The following SS18L1 variants were observed in gnomAD, a reference collection of about 807,000 sequenced individuals.
SS18L1 encodes SS18L1 subunit of BAF chromatin remodeling complex.
In SS18L1, 32 loss-of-function variants were observed where a neutral mutation model predicts 70.3. The observed-to-expected ratio is 0.46, with a 90% CI of 0.34 to 0.61. The LOEUF (loss-of-function observed/expected upper bound fraction) is 0.61, where lower values mean the gene tolerates loss of function less well. SS18L1 is among the 20% of genes least tolerant of loss of function. SS18L1 has a pLI of 0.01. For synonymous variants in SS18L1, 237 were observed against 229.7 expected (o/e 1.03, Z -0.29); for missense variants, 430 against 542.1 (o/e 0.79, Z 2.05).
intron 8 of SS18L1, among the ~76,000 whole-genome samples, chr20:62,171,332 A>G (rs576563452): frequency 1.3e-5 from 2 of 152,316 alleles, no homozygotes; most frequent in South Asian, 4.1e-4. Context: ...TCATGGGGGC[A>G]GGAGAAAGGA....
At chr20:62,144,168 CG>C (rs1436032542) in intron 1 of SS18L1, among the ~76,000 whole-genome samples, 1 of 151,194 alleles carries the variant, frequency 6.6e-6, no homozygotes, top group Non-Finnish European at 1.5e-5. Context: ...GGGGGCCGGG[CG>C]GACGCTGGAG....
Position 62,165,416 on chromosome 20 carries a change from G to T in SS18L1, c.824-6G>T, listed in dbSNP as rs536040579. The T allele has an allele frequency of 9.3e-6, 15 of 1,606,494 alleles. No individual in the cohort carries two copies. The highest frequency in any genetic ancestry group is 1.4e-5 in the African/African-American group (1 of 71,734). Reference sequence around the variant, plus strand: ...CGCTGACTGTCGCCGTCTCCGTTTCGCACAGGCCATGGCGATTACGCCTAC... The same window carrying T: ...CGCTGACTGTCGCCGTCTCCGTTTCTCACAGGCCATGGCGATTACGCCTAC... On this transcript the variant is annotated splice_region_variant and splice_polypyrimidine_tract_variant and intron_variant, in intron 7 of 10. Coordinates refer to ENST00000331758, the MANE Select transcript of SS18L1 (RefSeq NM_198935.3).
rs1254979262 is a variant in SS18L1, at chr20:62,181,737, A to T, written c.*2529A>T. ...TTTATGTAATATTATGGGGAAAGTG[A>T]TGCCAGCAGTTCCTTTTCATTATTC... On this transcript the variant is annotated 3_prime_UTR_variant, in exon 11 of 11. Transcript: ENST00000331758. The T allele has an allele frequency of 1.3e-5, 3 of 224,118 alleles. No homozygotes were observed. The highest frequency in any genetic ancestry group is 2.7e-5 in the Non-Finnish European group (3 of 112,302). The allele number at this position is 224,118 out of a possible 1,614,324, so 13.9% of individuals were successfully genotyped here. A position where few individuals can be genotyped will look rare whatever the true frequency, so the allele number is the denominator to read the frequency against.
intron 1 of SS18L1, 131 bp downstream of exon 1, chr20:62,144,020 G>A: frequency 4.1e-6 from 2 of 488,270 alleles, no homozygotes; most frequent in Non-Finnish European, 5.3e-6. Flanking sequence ...CGCGAGCCCC[G>A]ACGGCGGCCC....
intron 1 of SS18L1, among the ~76,000 whole-genome samples, chr20:62,150,485 G>C (rs1218439808): frequency 6.6e-6 from 1 of 152,252 alleles, no homozygotes; most frequent in East Asian, 1.9e-4. Context: ...TTCTGCGTCT[G>C]TGTCCACGCC....
Position 62,143,789 on chromosome 20 carries a change from G to T in SS18L1, c.-32G>T. 2 of 1,317,324 alleles carry T rather than the reference G, an allele frequency of 1.5e-6. No homozygotes were observed. Among genetic ancestry groups the T allele is most frequent in the Non-Finnish European group, 2.0e-6 (2 of 1,001,526 alleles). The allele number at this position is 1,317,324 out of a possible 1,614,324, so 81.6% of individuals were successfully genotyped here. On this transcript the variant is annotated 5_prime_UTR_variant, in exon 1 of 11. Coordinates refer to ENST00000331758, the MANE Select transcript of SS18L1 (RefSeq NM_198935.3). Reference sequence around the variant, plus strand: ...CCAGCGCAGCCGGAGTATCCACCTCGATGACCACGGGCTGAGCCCCGCGCC... The same window carrying T: ...CCAGCGCAGCCGGAGTATCCACCTCTATGACCACGGGCTGAGCCCCGCGCC...
rs1314976621 is a variant in SS18L1, at chr20:62,161,973, C to G, written c.376+393C>G. On this transcript the variant is annotated intron_variant, in intron 4 of 10. Transcript: ENST00000331758. This position sits in a 1 kb window ranked among gnomAD's most constrained non-coding sequence, Gnocchi z 4.4. ...TGGTGGCTCAGATCTCTAATCCCAA[C>G]CCTTTGTGAGGCCTAAACCAGCAGA... Among the ~76,000 whole-genome samples, 2 of 152,218 alleles carry G rather than the reference C, an allele frequency of 1.3e-5. No individual in the cohort carries two copies. Among genetic ancestry groups the G allele is most frequent in the Non-Finnish European group, 2.9e-5 (2 of 68,042 alleles).
chr20:62,144,024 G>A, intron 1 of SS18L1, 135 bp downstream of exon 1: 3 of 432,104 alleles, frequency 6.9e-6, no homozygotes, highest in Non-Finnish European at 9.2e-6. Flanking sequence ...AGCCCCGACG[G>A]CGGCCCCGTG....
At chr20:62,155,398 G>A (rs2057204759) in intron 1 of SS18L1, among the ~76,000 whole-genome samples, 4 of 152,216 alleles carry the variant, frequency 2.6e-5, no homozygotes. Flanking sequence ...GGGTGACAGA[G>A]CGAGACCCTG....
At chr20:62,157,101 G>GGTGGACA (rs1568744089) in intron 1 of SS18L1, among the ~76,000 whole-genome samples, 2 of 152,100 alleles carry the variant, frequency 1.3e-5, no homozygotes, top group African/African-American at 2.4e-5. Context: ...GCTGCCCCCA[G>GGTGGACA]GTGGACACCT....
chr20:62,179,730 G>GGGGGGGGGGGGGGGGGGCCCCCC lies in SS18L1; in HGVS notation c.*522_*523insGGGGGGGGGGGGGGGGGCCCCCC. 1 of 96,712 alleles carries GGGGGGGGGGGGGGGGGGCCCCCC rather than the reference G, an allele frequency of 1.0e-5. No homozygotes were observed. The highest frequency in any genetic ancestry group is 4.0e-5 in the African/African-American group (1 of 25,044). 6.0% of individuals were successfully genotyped at this position (96,712 alleles called of 1,614,324 possible). On this transcript the variant is annotated 3_prime_UTR_variant, in exon 11 of 11. Coordinates refer to ENST00000331758, the MANE Select transcript of SS18L1 (RefSeq NM_198935.3). The stretch of plus-strand genomic sequence containing the variant: ...GTGCCTCGATGGGGTGGGTGGGAGG[G>GGGGGGGGGGGGGGGGGGCCCCCC]CATCTTCTGTGCGTTGGGTCAGTTT...
chr20:62,176,852 G>C (rs904076628), intron 10 of SS18L1, among the ~76,000 whole-genome samples: 1 of 152,162 alleles, frequency 6.6e-6, no homozygotes, highest in Non-Finnish European at 1.5e-5. Flanking sequence ...TTTCACATCT[G>C]GGGGGAAATG....
At chr20:62,179,102 CCT>C (rs2057670165) in intron 10 of SS18L1, 78 bp from the exon 11 acceptor site, 45 of 1,519,202 alleles carry the variant, frequency 3.0e-5, no homozygotes, top group South Asian at 2.9e-4. Context: ...CCTCCTACCC[CCT>C]GTCCGGGCTG....
chr20:62,169,766 C>A (rs770656328), intron 8 of SS18L1, among the ~76,000 whole-genome samples: 2 of 150,534 alleles, frequency 1.3e-5, no homozygotes, highest in African/African-American at 4.9e-5. Flanking sequence ...GGCGGCAAAG[C>A]GAGACTCCAT....
At chr20:62,145,076 C>G (rs2056999635) in intron 1 of SS18L1, among the ~76,000 whole-genome samples, 1 of 152,326 alleles carries the variant, frequency 6.6e-6, no homozygotes, top group East Asian at 1.9e-4. Context: ...CAAATGAGAA[C>G]CTTGGCCAAC....
At chr20:62,144,707 G>A (rs1052858434) in intron 1 of SS18L1, among the ~76,000 whole-genome samples, 10 of 152,248 alleles carry the variant, frequency 6.6e-5, no homozygotes, top group African/African-American at 2.4e-4. Context: ...GTTATCCAAA[G>A]CCCTAAGTTT....
Position 62,158,668 on chromosome 20 carries a change from G to T in SS18L1, c.70-4G>T. 6.2e-7 allele frequency: 1 copy of T among 1,612,238 alleles called. No homozygotes were observed. On this transcript the variant is annotated splice_polypyrimidine_tract_variant and splice_region_variant and intron_variant, in intron 1 of 10. Transcript: ENST00000331758. The surrounding 1 kb of genome is among the most constrained non-coding windows in gnomAD (Gnocchi z 4.5). ...GGCAGCGCCCGCTCACGCTCTCTCCGCAGATGCTGGACGAGAACCACCACC... is the reference window on the plus strand; with the variant it reads ...GGCAGCGCCCGCTCACGCTCTCTCCTCAGATGCTGGACGAGAACCACCACC...
chr20:62,154,366 C>G (rs2057185457), intron 1 of SS18L1: 1 of 1,050,712 alleles, frequency 9.5e-7, no homozygotes, highest in Non-Finnish European at 1.1e-6. Flanking sequence ...GAAAGTGCGT[C>G]CATTCCCCCT....
At chr20:62,146,626 T>TTTTTTTG in intron 1 of SS18L1, among the ~76,000 whole-genome samples, 1 of 145,910 alleles carries the variant, frequency 6.9e-6, no homozygotes, top group South Asian at 2.3e-4. Context: ...TTTTTTTTTT[T>TTTTTTTG]GAGATGGAGT....
Sources: gnomAD v4.1 joint callset for allele counts (sites outside exome capture counted in the v4.1 genomes callset) on GRCh38, gnomAD v4.1.1 for gene constraint, Gnocchi (gnomAD v3.1) non-coding constraint, MANE v1.5 for transcripts, NCBI Gene and HGNC (gene_info 2026-07-23, HGNC 2026-07-21) for gene names.